Variants in PCDHA5 observed in about 807,000 individuals in gnomAD.
PCDHA5 encodes the protein protocadherin alpha-5.
In PCDHA5, 43 loss-of-function variants were observed where a neutral mutation model predicts 61.6. The ratio of observed to expected loss-of-function variants is 0.70; its 90% CI spans 0.55 to 0.90. The LOEUF (loss-of-function observed/expected upper bound fraction) is 0.90. Among genes scored for constraint, PCDHA5 ranks in the 40% least tolerant of loss-of-function variants. The pLI is 0.00. For synonymous variants in PCDHA5, 627 were observed against 543.9 expected, an observed-to-expected ratio of 1.15 and a Z score of -2.13; for missense variants, 1,298 against 1,222.7, an observed-to-expected ratio of 1.06 and a Z score of -0.92.
At chr5:140,943,846 A>C (rs1209903373) in intron 1 of PCDHA5, among the ~76,000 whole-genome samples, 1 of 152,242 alleles carries the variant, frequency 6.6e-6, no homozygotes, top group African/African-American at 2.4e-5. Context: ...GTAAGATGTC[A>C]CAGAAGTCAA....
chr5:140,889,232 C>T (rs1365146997), intron 1 of PCDHA5, among the ~76,000 whole-genome samples: 6 of 151,736 alleles, frequency 4.0e-5, no homozygotes, highest in African/African-American at 1.4e-4. Context: ...TTGAAAACTT[C>T]CAGAAAATTT....
intron 1 of PCDHA5, chr5:140,841,218 C>G (rs2150312000): frequency 3.5e-6 from 5 of 1,431,458 alleles, no homozygotes; most frequent in Non-Finnish European, 4.7e-6. Context: ...CTCTAAAGGC[C>G]GAACAACGGG....
chr5:140,994,483 G>A (rs1356969213), intron 3 of PCDHA5, among the ~76,000 whole-genome samples: 1 of 152,062 alleles, frequency 6.6e-6, no homozygotes, highest in East Asian at 1.9e-4. Context: ...CGGGTGGATT[G>A]CCTGAACCCA....
intron 1 of PCDHA5, among the ~76,000 whole-genome samples, chr5:140,945,912 A>G (rs1351762760): frequency 2.0e-5 from 3 of 152,132 alleles, no homozygotes; most frequent in African/African-American, 7.2e-5. Flanking sequence ...TGAAAGATCA[A>G]TAACACTGAT....
In PCDHA5 at chr5:140,822,693, A is replaced by G; in HGVS notation, c.918A>G (p.Glu306=). The part of the protein sequence containing the change: ...SNTGEIKVNG[E]LDYEDYNSYE... ...CTGGTGAAATAAAAGTTAACGGGGA[A>G]CTGGATTATGAAGACTATAACTCAT... is the stretch of plus-strand genomic sequence containing the variant. The change falls in exon 1 of 4, where the codon GAA becomes GAG. Residue 306 remains glutamate (E), a synonymous_variant. Coordinates refer to ENST00000529859, the MANE Select transcript of PCDHA5 (RefSeq NM_018908.3). 6.2e-7 allele frequency: 1 copy of G among 1,609,820 alleles called. No individual in the cohort carries two copies. The highest frequency in any genetic ancestry group is 1.3e-5 in the African/African-American group (1 of 74,912).
chr5:140,936,079 G>T (rs1341534865), intron 1 of PCDHA5, among the ~76,000 whole-genome samples: 2 of 152,008 alleles, frequency 1.3e-5, no homozygotes, highest in African/African-American at 4.8e-5. Context: ...TTTTAGTAGA[G>T]ACAGGGTTTC....
intron 1 of PCDHA5, chr5:140,928,708 T>C: frequency 1.2e-6 from 2 of 1,614,208 alleles, no homozygotes; most frequent in Non-Finnish European, 1.7e-6. Context: ...GGCGTCTGAC[T>C]CTAGTCTCTT....
intron 1 of PCDHA5, chr5:140,850,605 A>T (rs2041706241): frequency 6.3e-7 from 1 of 1,598,464 alleles, no homozygotes; most frequent in African/African-American, 1.3e-5. Flanking sequence ...GATCATCGCC[A>T]TCTGCGCGGT....
At chr5:140,904,859 T>C (rs1294164011) in intron 1 of PCDHA5, among the ~76,000 whole-genome samples, 8 of 152,242 alleles carry the variant, frequency 5.3e-5, no homozygotes, top group Non-Finnish European at 1.2e-4. Flanking sequence ...GAGAATTGTC[T>C]GTTTATGTCC....
At chr5:140,942,851 G>T (rs1211748532) in intron 1 of PCDHA5, among the ~76,000 whole-genome samples, 2 of 151,980 alleles carry the variant, frequency 1.3e-5, no homozygotes, top group Non-Finnish European at 2.9e-5. Flanking sequence ...CCAGTAAGAT[G>T]ATTATTTTGC....
intron 3 of PCDHA5, among the ~76,000 whole-genome samples, chr5:140,995,400 C>T (rs2097681723): frequency 6.6e-6 from 1 of 152,062 alleles, no homozygotes; most frequent in Admixed American, 6.6e-5. Flanking sequence ...CGGGATGGCT[C>T]GAGATTTCAT....
In PCDHA5 at chr5:140,841,444, C is replaced by T. The variant is rs2150315677; in HGVS notation, c.2352+17317C>T. 15 of 1,612,806 alleles carry T rather than the reference C, an allele frequency of 9.3e-6. 1 individual carries two copies. The highest frequency in any genetic ancestry group is 1.3e-5 in the African/African-American group (1 of 74,834). ...ACTCCGTCCCCGAGGAGGCCAAACACGGCACCTTCGTGGGCCGGATCGCGC... is the reference window on the plus strand; with the variant it reads ...ACTCCGTCCCCGAGGAGGCCAAACATGGCACCTTCGTGGGCCGGATCGCGC... On this transcript the variant is annotated intron_variant, in intron 1 of 3. Transcript: ENST00000529859.
chr5:140,831,488 T>TAGC (rs2150194785), intron 1 of PCDHA5, among the ~76,000 whole-genome samples: 86,389 of 148,520 alleles, frequency 0.58, 25,934 homozygotes, highest in African/African-American at 0.72. Context: ...GCCTCTGGAG[T>TAGC]TACTACACAC....
At chr5:140,997,816 T>C (rs1363819907) in intron 3 of PCDHA5, among the ~76,000 whole-genome samples, 1 of 152,232 alleles carries the variant, frequency 6.6e-6, no homozygotes, top group African/African-American at 2.4e-5. Flanking sequence ...TGTTGGTATC[T>C]ATGTTTTCTA....
chr5:140,961,114 A>G (rs2095591473), intron 1 of PCDHA5, among the ~76,000 whole-genome samples: 1 of 152,212 alleles, frequency 6.6e-6, no homozygotes, highest in African/African-American at 2.4e-5. Flanking sequence ...ACCCCCTTGC[A>G]TCTTAATGTC....
At position 140,828,473 on chromosome 5, in the gene PCDHA5, G is replaced by C. The variant is rs1269610304; in HGVS notation, c.2352+4346G>C. On this transcript the variant is annotated intron_variant, in intron 1 of 3. Coordinates refer to ENST00000529859, the MANE Select transcript of PCDHA5 (RefSeq NM_018908.3). The stretch of plus-strand genomic sequence containing the variant: ...GGACGTGGAGGTGAGGGACATTAAC[G>C]ACAACCCGCCCTTGTTCCCGGTAGA... 7 of 1,614,130 alleles carry C rather than the reference G, an allele frequency of 4.3e-6. No homozygotes were observed. In the Admixed American group the frequency reaches 6.7e-5, roughly 15 times the overall value.
In PCDHA5 at chr5:141,010,127, T is replaced by A. The variant is rs1419190844; in HGVS notation, c.*190T>A. On this transcript the variant is annotated 3_prime_UTR_variant, in exon 4 of 4. Transcript: ENST00000529859. ...TTTGTCGTAAAAGCTTTACTAAGTC[T>A]GGTGTTAACTCTTTCTCTCCACTCT... The A allele has an allele frequency of 1.9e-6, 3 of 1,602,472 alleles. No individual in the cohort carries two copies. Among genetic ancestry groups the A allele is most frequent in the Non-Finnish European group, 2.6e-6 (3 of 1,173,756 alleles).
chr5:140,886,844 A>AAG (rs2061185449), intron 1 of PCDHA5, among the ~76,000 whole-genome samples: 1 of 150,634 alleles, frequency 6.6e-6, no homozygotes, highest in Non-Finnish European at 1.5e-5. Flanking sequence ...AAAAAAAAAA[A>AAG]AAAGAAAGGT....
chr5:140,928,468 G>A, intron 1 of PCDHA5: 1 of 1,614,154 alleles, frequency 6.2e-7, no homozygotes. Flanking sequence ...TTTCCAAGTA[G>A]AAGGCCGGGA....
Sources: allele counts gnomAD v4.1 joint callset (sites outside exome capture counted in the v4.1 genomes callset), GRCh38; gene constraint gnomAD v4.1.1; transcripts MANE v1.5; gene names NCBI Gene and HGNC (gene_info 2026-07-23, HGNC 2026-07-21).